CCDC66: variants seen among roughly 807,000 people sequenced by gnomAD.
CCDC66 encodes the protein coiled-coil domain-containing protein 66.
CCDC66 carries 133 observed loss-of-function variants against 128.3 expected under a neutral mutation model. The ratio of observed to expected loss-of-function variants is 1.04; its 90% CI spans 0.90 to 1.20. The LOEUF (loss-of-function observed/expected upper bound fraction) is 1.20. CCDC66 is among the 50% of genes most tolerant of loss of function. The pLI, the probability that CCDC66 is intolerant of heterozygous loss-of-function variation, is 0.00. For missense variants in CCDC66, 1,126 were observed against 1,075.5 expected (o/e 1.05, Z -0.66); for synonymous variants, 387 against 357.0 (o/e 1.08, Z -0.95).
At chr3:56,561,576 C>T (rs567022224) in intron 3 of CCDC66, among the ~76,000 whole-genome samples, 19 of 152,158 alleles carry the variant, frequency 1.2e-4, no homozygotes, top group Non-Finnish European at 2.2e-4. Flanking sequence ...TTTGGGACTT[C>T]AAAATACTGA....
intron 10 of CCDC66, among the ~76,000 whole-genome samples, chr3:56,605,635 C>T (rs1467845310): frequency 6.6e-6 from 1 of 152,072 alleles, no homozygotes; most frequent in Admixed American, 6.5e-5. Flanking sequence ...TTGTTCCTTC[C>T]TCTGGAAGCT....
intron 4 of CCDC66, among the ~76,000 whole-genome samples, chr3:56,566,004 G>C (rs1349231847): frequency 6.6e-6 from 1 of 152,170 alleles, no homozygotes; most frequent in Non-Finnish European, 1.5e-5. Flanking sequence ...AGAGGAAATG[G>C]AGATTTGTTT....
intron 10 of CCDC66, among the ~76,000 whole-genome samples, chr3:56,603,285 T>C (rs773732539): frequency 6.6e-6 from 1 of 152,104 alleles, no homozygotes; most frequent in African/African-American, 2.4e-5. Context: ...CTGTATCTCC[T>C]ACAGTTCTGC....
chr3:56,562,635 A>G (rs1029816891), intron 3 of CCDC66, among the ~76,000 whole-genome samples: 2 of 151,974 alleles, frequency 1.3e-5, no homozygotes, highest in African/African-American at 4.8e-5. Flanking sequence ...CATTTTATAT[A>G]TATATATTTT....
chr3:56,600,889 G>C (rs763412566), intron 10 of CCDC66, among the ~76,000 whole-genome samples: 33 of 152,076 alleles, frequency 2.2e-4, no homozygotes, highest in Admixed American at 6.5e-4. Context: ...CCCTTTGTCA[G>C]ATGGGTAGAT....
rs781383522 is a variant in CCDC66 at position 56,613,747 on chromosome 3, G to C, written c.1563G>C (p.Lys521Asn). 3 of 1,603,738 alleles carry C rather than the reference G, an allele frequency of 1.9e-6. No individual in the cohort carries two copies. In the South Asian group the frequency reaches 3.4e-5, roughly 18 times the overall value. Residue 521 changes from lysine to asparagine, a missense_variant, in exon 11 of 18, where the codon AAG (lysine) becomes AAC (asparagine). Physicochemically the swap from Lys to Asn is moderately conservative, Grantham distance 94. Transcript: ENST00000394672. ...AAGACATACTTAAGCAAAAACAAAA[G>C]GAAGTAGGTACTTACATTCTAATTG... is the stretch of plus-strand genomic sequence containing the variant. The part of the protein sequence containing the change: ...YEEDILKQKQ[K>N]EEIMTLKTNE...
intron 4 of CCDC66, chr3:56,565,208 A>G: frequency 2.9e-6 from 1 of 346,816 alleles, no homozygotes; most frequent in South Asian, 1.9e-5. Flanking sequence ...CGTCAAGGTA[A>G]TGAGTATTTA....
chr3:56,559,419 A>T (rs1257957058), intron 2 of CCDC66, 150 bp from the exon 3 acceptor site: 2 of 534,274 alleles, frequency 3.7e-6, no homozygotes. Context: ...TGGATTAGAA[A>T]AAAATACTCA....
At chr3:56,613,463 T>C in intron 10 of CCDC66, 126 bp from the exon 11 acceptor site, 1 of 929,346 alleles carries the variant, frequency 1.1e-6, no homozygotes, top group Admixed American at 2.9e-5. Flanking sequence ...TATGATTGTC[T>C]ACTCATTATT....
chr3:56,617,612 C>T lies in CCDC66; in HGVS notation c.2337+7C>T, dbSNP rs781247944. 6.3e-7 allele frequency: 1 copy of T among 1,584,920 alleles called. No homozygotes were observed. The highest frequency in any genetic ancestry group is 8.5e-7 in the Non-Finnish European group (1 of 1,170,730). On this transcript the variant is annotated splice_region_variant and intron_variant, in intron 14 of 17. Transcript: ENST00000394672. ...GTGGCATCTAGTCAAAAAGGTAAAG[C>T]TCTTCCATCTTAGATGATGTGTTGA...
rs749236104 is a variant in CCDC66 at position 56,616,093 on chromosome 3, TAA to T, written c.1843+42_1843+43del. 2.6e-6 allele frequency: 4 copies of T among 1,529,144 alleles called. No individual in the cohort carries two copies. In the African/African-American group the frequency reaches 4.2e-5, roughly 16 times the overall value. The allele number at this position is 1,529,144 out of a possible 1,614,324, so 94.7% of individuals were successfully genotyped here. ...ATTGTGGTTTGGTTTAAAATTTACTTAAAGTCATAATTAAAGCAGTTAGAATT... is the reference window on the plus strand; with the variant it reads ...ATTGTGGTTTGGTTTAAAATTTACTTAGTCATAATTAAAGCAGTTAGAATT... On this transcript the variant is annotated intron_variant, in intron 13 of 17. Transcript: ENST00000394672.
chr3:56,567,981 C>T (rs529861338), intron 6 of CCDC66, among the ~76,000 whole-genome samples: 16 of 152,130 alleles, frequency 1.1e-4, no homozygotes, highest in Non-Finnish European at 1.8e-4. Context: ...TGAGCCACCA[C>T]GCCCGGCCAA....
At position 56,613,758 on chromosome 3, in the gene CCDC66, C is replaced by T. The variant is rs2075150294; in HGVS notation, c.1566+8C>T. The T allele has an allele frequency of 4.4e-6, 7 of 1,598,056 alleles. No individual in the cohort carries two copies. The highest frequency in any genetic ancestry group is 6.0e-6 in the Non-Finnish European group (7 of 1,172,350). ...AAGCAAAAACAAAAGGAAGTAGGTACTTACATTCTAATTGTAACTTTGGTT... is the reference window on the plus strand; with the variant it reads ...AAGCAAAAACAAAAGGAAGTAGGTATTTACATTCTAATTGTAACTTTGGTT... On this transcript the variant is annotated splice_region_variant and intron_variant, in intron 11 of 17. Transcript: ENST00000394672.
At chr3:56,587,882 TA>T (rs1278051546) in intron 7 of CCDC66, among the ~76,000 whole-genome samples, 3 of 151,602 alleles carry the variant, frequency 2.0e-5, no homozygotes, top group Non-Finnish European at 4.4e-5. Flanking sequence ...AAAAGTAAAA[TA>T]AAAATAAAAA....
At chr3:56,608,623 TGTTG>T (rs1170160752) in intron 10 of CCDC66, among the ~76,000 whole-genome samples, 3 of 152,216 alleles carry the variant, frequency 2.0e-5, no homozygotes, top group African/African-American at 7.2e-5. Context: ...TCTGCTCTGA[TGTTG>T]GTTGTTTCCT....
At position 56,559,574 on chromosome 3, in the gene CCDC66, A is replaced by G; in HGVS notation, c.82A>G (p.Lys28Glu). 6.5e-7 allele frequency: 1 copy of G among 1,536,784 alleles called. No individual in the cohort carries two copies. The highest frequency in any genetic ancestry group is 8.8e-7 in the Non-Finnish European group (1 of 1,139,674). ...TKLILSPYEHKSKISVKMGNK... is the reference protein window; with the variant it reads ...TKLILSPYEHESKISVKMGNK... ...ATTTCTTTTTTCTTTTGTAGAACAT[A>G]AATCAAAAATTTCTGTGAAGGTAAG... The change falls in exon 3 of 18, where the codon AAA becomes GAA. Residue 28 changes from lysine (K) to glutamate (E), a missense_variant. Transcript: ENST00000394672.
intron 7 of CCDC66, among the ~76,000 whole-genome samples, chr3:56,584,406 C>A (rs1223523160): frequency 2.0e-5 from 3 of 151,132 alleles, no homozygotes; most frequent in African/African-American, 7.3e-5. Flanking sequence ...GGGCTCCTCA[C>A]TTCTCAGACG....
At chr3:56,566,055 A>C (rs1429101186) in intron 4 of CCDC66, among the ~76,000 whole-genome samples, 1 of 152,164 alleles carries the variant, frequency 6.6e-6, no homozygotes, top group South Asian at 2.1e-4. Flanking sequence ...GATATAAGAA[A>C]TTGTATGGCT....
At chr3:56,605,568 A>G (rs1033981654) in intron 10 of CCDC66, among the ~76,000 whole-genome samples, 2 of 151,986 alleles carry the variant, frequency 1.3e-5, no homozygotes, top group South Asian at 2.1e-4. Context: ...GGTCCATTCC[A>G]TATCCTGTTT....
Sources: allele counts gnomAD v4.1 joint callset (sites outside exome capture counted in the v4.1 genomes callset), GRCh38; gene constraint gnomAD v4.1.1; transcripts MANE v1.5; gene names NCBI Gene and HGNC (gene_info 2026-07-23, HGNC 2026-07-21).